Variants in AFG1L observed in about 807,000 individuals in gnomAD.
The protein encoded by AFG1L is AFG1 like ATPase.
In AFG1L, 53 loss-of-function variants were observed where a neutral mutation model predicts 62.2. That is an observed-to-expected ratio of 0.85 (90% CI 0.68 to 1.07). AFG1L has a LOEUF of 1.07. Among genes scored for constraint, AFG1L ranks in the 50% least tolerant of loss-of-function variants. AFG1L has a pLI of 0.00. For missense variants in AFG1L, 555 were observed against 590.5 expected (o/e 0.94, Z 0.62); for synonymous variants, 228 against 210.3 (o/e 1.08, Z -0.73).
intron 8 of AFG1L, among the ~76,000 whole-genome samples, chr6:108,465,051 T>C (rs922839406): frequency 3.9e-5 from 6 of 152,228 alleles, no homozygotes. Flanking sequence ...AGATGATTTA[T>C]AGCAACTGAA....
rs528586302 is a variant in AFG1L at position 108,297,644 on chromosome 6, C to T, written c.139+2426C>T. ...CTGAGGGAGTAGGATCACTTGAGCT[C>T]AGGAGTTTGAGACCAGCCTGGGCAA... On this transcript the variant is annotated intron_variant, in intron 1 of 12. Coordinates refer to ENST00000368977, the MANE Select transcript of AFG1L (RefSeq NM_145315.5). Among the ~76,000 whole-genome samples the T allele has an allele frequency of 1.2e-4, 18 of 151,776 alleles. No homozygotes were observed. The East Asian group carries it at 3.5e-3, about 29-fold the overall frequency.
chr6:108,468,269 T>G (rs979065621), intron 8 of AFG1L, among the ~76,000 whole-genome samples: 1 of 152,182 alleles, frequency 6.6e-6, no homozygotes, highest in African/African-American at 2.4e-5. Context: ...ATGGGAAATA[T>G]ATATTTTGAA....
chr6:108,382,034 CTT>C (rs1415126001), intron 6 of AFG1L, among the ~76,000 whole-genome samples: 3 of 125,116 alleles, frequency 2.4e-5, no homozygotes, highest in Non-Finnish European at 4.7e-5. Context: ...GAGCTTTGCT[CTT>C]GTTGTCCAGG....
chr6:108,516,881 A>G (rs2114912928), intron 11 of AFG1L, among the ~76,000 whole-genome samples: 1 of 152,344 alleles, frequency 6.6e-6, no homozygotes, highest in East Asian at 1.9e-4. Context: ...GAGCCAAATC[A>G]TGAGTGAACT....
intron 2 of AFG1L, among the ~76,000 whole-genome samples, chr6:108,342,679 A>G (rs1054206138): frequency 1.3e-5 from 2 of 152,188 alleles, no homozygotes; most frequent in Non-Finnish European, 2.9e-5. Flanking sequence ...TTATTAGAAA[A>G]CTGAAATTTT....
intron 1 of AFG1L, among the ~76,000 whole-genome samples, chr6:108,297,632 A>T (rs559288174): frequency 9.9e-5 from 15 of 151,942 alleles, no homozygotes; most frequent in Non-Finnish European, 2.1e-4. Context: ...AGGGAGTAGG[A>T]TCACTTGAGC....
intron 8 of AFG1L, among the ~76,000 whole-genome samples, chr6:108,472,990 T>G (rs1395200100): frequency 1.3e-5 from 2 of 151,884 alleles, no homozygotes; most frequent in African/African-American, 4.8e-5. Flanking sequence ...TTTGTAGAGA[T>G]AAAGTTTTGC....
At chr6:108,471,962 A>G (rs1462272398) in intron 8 of AFG1L, among the ~76,000 whole-genome samples, 1 of 152,192 alleles carries the variant, frequency 6.6e-6, no homozygotes, top group Non-Finnish European at 1.5e-5. Flanking sequence ...CCATTGATGG[A>G]TAAATGGATA....
At chr6:108,349,401 T>A (rs1293274354) in intron 3 of AFG1L, among the ~76,000 whole-genome samples, 1 of 152,124 alleles carries the variant, frequency 6.6e-6, no homozygotes. Context: ...GGAGGATCAC[T>A]TGAGCCTAGG....
At chr6:108,308,549 T>A (rs1777290463) in intron 1 of AFG1L, among the ~76,000 whole-genome samples, 1 of 152,104 alleles carries the variant, frequency 6.6e-6, no homozygotes, top group African/African-American at 2.4e-5. Context: ...GGTTTTGCTC[T>A]GTTGCCCAGG....
At chr6:108,384,054 T>A (rs1462796492) in intron 6 of AFG1L, among the ~76,000 whole-genome samples, 2 of 133,490 alleles carry the variant, frequency 1.5e-5, no homozygotes, top group Non-Finnish European at 3.1e-5. Context: ...GTGAAGGTCC[T>A]GGAGAGTAAA....
intron 6 of AFG1L, among the ~76,000 whole-genome samples, chr6:108,378,344 G>A (rs1052260338): frequency 2.0e-5 from 3 of 151,846 alleles, no homozygotes; most frequent in African/African-American, 7.3e-5. Context: ...TTTTGATACA[G>A]AGTCTCACTC....
At position 108,523,698 on chromosome 6, in the gene AFG1L, G is replaced by C. The variant is rs961817452; in HGVS notation, c.*1273G>C. 6.6e-6 allele frequency: 1 copy of C among 152,012 alleles called. No individual in the cohort carries two copies. The highest frequency in any genetic ancestry group is 2.4e-5 in the African/African-American group (1 of 41,374). 9.4% of individuals were successfully genotyped at this position (152,012 alleles called of 1,614,324 possible). ...CTCCTGGCAGGGGTAGTGTGGCACA[G>C]CATGGCCCTATTTAATTTCTTAGTC... On this transcript the variant is annotated 3_prime_UTR_variant, in exon 13 of 13. Coordinates refer to ENST00000368977, the MANE Select transcript of AFG1L (RefSeq NM_145315.5).
In AFG1L at chr6:108,436,438, C is replaced by T. The variant is rs117059451; in HGVS notation, c.808-10776C>T. 3.6e-3 allele frequency among the ~76,000 whole-genome samples: 540 copies of T among 152,048 alleles called. 5 individuals are homozygous for T. Among genetic ancestry groups the T allele is most frequent in the Middle Eastern group, 0.014 (4 of 294 alleles). ...GATTACAGGTGTGAGCCACCGCACCCGGCTGAGATTAGGTTTTAAACAAAT... is the reference window on the plus strand; with the variant it reads ...GATTACAGGTGTGAGCCACCGCACCTGGCTGAGATTAGGTTTTAAACAAAT... On this transcript the variant is annotated intron_variant, in intron 7 of 12. Coordinates refer to ENST00000368977, the MANE Select transcript of AFG1L (RefSeq NM_145315.5).
At chr6:108,443,830 A>G (rs1771645879) in intron 7 of AFG1L, among the ~76,000 whole-genome samples, 2 of 152,082 alleles carry the variant, frequency 1.3e-5, no homozygotes, top group Non-Finnish European at 2.9e-5. Context: ...AGCCAAGATC[A>G]TGCCACTGCA....
At chr6:108,415,284 AT>A (rs1383023809) in intron 7 of AFG1L, among the ~76,000 whole-genome samples, 2 of 152,202 alleles carry the variant, frequency 1.3e-5, no homozygotes, top group African/African-American at 2.4e-5. Context: ...ACACAAACAA[AT>A]TGGAAGAACA....
chr6:108,457,385 A>G (rs901383876), intron 8 of AFG1L, among the ~76,000 whole-genome samples: 5 of 151,888 alleles, frequency 3.3e-5, no homozygotes, highest in Non-Finnish European at 7.4e-5. Context: ...AGCACCTTTA[A>G]CTTATCATAG....
intron 10 of AFG1L, among the ~76,000 whole-genome samples, chr6:108,506,896 A>G (rs998503356): frequency 6.6e-6 from 1 of 152,062 alleles, no homozygotes; most frequent in African/African-American, 2.4e-5. Flanking sequence ...TTTCCTATTT[A>G]TTATTCTCTT....
intron 1 of AFG1L, 106 bp from the exon 2 acceptor site, chr6:108,323,719 A>G (rs1037858327): frequency 1.4e-6 from 1 of 711,748 alleles, no homozygotes. Flanking sequence ...GCTCCAATAG[A>G]TATACTTGTA....
Sources: gnomAD v4.1 joint callset for allele counts (sites outside exome capture counted in the v4.1 genomes callset) on GRCh38, gnomAD v4.1.1 for gene constraint, MANE v1.5 for transcripts, NCBI Gene and HGNC (gene_info 2026-07-23, HGNC 2026-07-21) for gene names.